UBAC1: variants seen among roughly 807,000 people sequenced by gnomAD.
UBAC1 encodes the protein ubiquitin-associated domain-containing protein 1.
Under a neutral mutation model 45.9 loss-of-function variants are expected in UBAC1, and 27 were observed. The ratio of observed to expected loss-of-function variants is 0.59; its 90% CI spans 0.43 to 0.81. The LOEUF is 0.81. Among genes scored for constraint, UBAC1 ranks in the 30% least tolerant of loss-of-function variants. The pLI is 0.00. For missense variants in UBAC1, 529 were observed against 539.2 expected (o/e 0.98, Z 0.19); for synonymous variants, 227 against 215.5 (o/e 1.05, Z -0.47).
At chr9:135,934,476 C>T (rs949869417) in intron 9 of UBAC1, among the ~76,000 whole-genome samples, 4 of 152,094 alleles carry the variant, frequency 2.6e-5, no homozygotes, top group South Asian at 2.1e-4. Flanking sequence ...CTGGCTAATA[C>T]GGTAAAACCC....
At chr9:135,948,339 A>G (rs1437397315) in intron 3 of UBAC1, among the ~76,000 whole-genome samples, 2 of 152,270 alleles carry the variant, frequency 1.3e-5, no homozygotes, top group East Asian at 3.8e-4. Context: ...AAGTGATGGG[A>G]GAGGAACAGA....
At chr9:135,947,566 G>A (rs755897670) in intron 4 of UBAC1, 90 of 457,338 alleles carry the variant, frequency 2.0e-4, no homozygotes, top group Middle Eastern at 1.7e-3. Flanking sequence ...TTTTCCCAGG[G>A]GTATCTATCT....
chr9:135,956,929 G>C (rs932901451), intron 1 of UBAC1, among the ~76,000 whole-genome samples: 1 of 152,198 alleles, frequency 6.6e-6, no homozygotes, highest in African/African-American at 2.4e-5. Context: ...GGCCCAGCCT[G>C]GAGCTGGGCC....
At chr9:135,954,244 A>C (rs1341485127) in intron 2 of UBAC1, among the ~76,000 whole-genome samples, 1 of 152,052 alleles carries the variant, frequency 6.6e-6, no homozygotes, top group Non-Finnish European at 1.5e-5. Context: ...CCAGGAGTTC[A>C]AGACCAGCCT....
At position 135,946,309 on chromosome 9, in the gene UBAC1, C is replaced by T. The variant is rs775731673; in HGVS notation, c.504G>A (p.Ala168=). The T allele has an allele frequency of 6.8e-6, 11 of 1,613,834 alleles. No individual in the cohort carries two copies. In the African/African-American group the frequency reaches 9.3e-5, roughly 14 times the overall value. The stretch of plus-strand genomic sequence containing the variant: ...ACAATTCCACTGCATCTGGGTTCAG[C>T]GCTAACAGCTTCTGCGCCACCTCGA... ...SLIEVAQKLL[A]LNPDAVELFK... is the part of the protein sequence containing the mutation. Residue 168 remains alanine, a synonymous_variant, in exon 5 of 10, where the codon GCG becomes GCA. Coordinates refer to ENST00000371756, the MANE Select transcript of UBAC1 (RefSeq NM_016172.3).
intron 8 of UBAC1, among the ~76,000 whole-genome samples, chr9:135,938,759 C>G (rs1313852268): frequency 6.6e-6 from 1 of 151,910 alleles, no homozygotes; most frequent in Admixed American, 6.6e-5. Flanking sequence ...GACACAGGCT[C>G]CTCATCTCTG....
At chr9:135,952,537 C>A (rs141495107) in intron 3 of UBAC1, among the ~76,000 whole-genome samples, 92 of 152,352 alleles carry the variant, frequency 6.0e-4, no homozygotes, top group African/African-American at 2.2e-3. Context: ...CAGTAAACAA[C>A]ACACTGCACG....
At chr9:135,942,061 G>A (rs1839276057) in intron 7 of UBAC1, 1 of 152,216 alleles carries the variant, frequency 6.6e-6, no homozygotes. Context: ...GAATGGCAAT[G>A]GGGAAGATCT....
In UBAC1 at chr9:135,938,213, C is replaced by T. The variant is rs781545794; in HGVS notation, c.1102+9G>A. On this transcript the variant is annotated intron_variant, in intron 9 of 9. Coordinates refer to ENST00000371756, the MANE Select transcript of UBAC1 (RefSeq NM_016172.3). The stretch of plus-strand genomic sequence containing the variant: ...GACCCGAGACTTAGCATAAAGAAGG[C>T]GCACATACCTAGCAATGTTTTCGGG... The T allele has an allele frequency of 5.0e-6, 8 of 1,613,298 alleles. No homozygotes were observed. Among genetic ancestry groups the T allele is most frequent in the Non-Finnish European group, 5.1e-6 (6 of 1,179,658 alleles).
At chr9:135,948,842 G>T (rs1341340410) in intron 3 of UBAC1, among the ~76,000 whole-genome samples, 1 of 152,196 alleles carries the variant, frequency 6.6e-6, no homozygotes, top group East Asian at 1.9e-4. Context: ...GGCCAAGGTG[G>T]GTGAATTACT....
chr9:135,961,209 G>A lies in UBAC1; in HGVS notation c.-47C>T. ...TGCGCCCGCCACCCGGGCCCCTGAA[G>A]GTCACCGGGAAGGCGGGCGGGGAGG... On this transcript the variant is annotated 5_prime_UTR_variant, in exon 1 of 10. Coordinates refer to ENST00000371756, the MANE Select transcript of UBAC1 (RefSeq NM_016172.3). The A allele has an allele frequency of 6.9e-6, 10 of 1,456,544 alleles. No homozygotes were observed. Among genetic ancestry groups the A allele is most frequent in the Non-Finnish European group, 9.0e-6 (10 of 1,112,718 alleles). 90.2% of individuals were successfully genotyped at this position (1,456,544 alleles called of 1,614,324 possible). A position where few individuals can be genotyped will look rare whatever the true frequency, so the allele number is the denominator to read the frequency against.
At chr9:135,956,886 C>A (rs543161224) in intron 1 of UBAC1, among the ~76,000 whole-genome samples, 12 of 152,314 alleles carry the variant, frequency 7.9e-5, no homozygotes, top group African/African-American at 2.9e-4. Flanking sequence ...TTTCTAAACC[C>A]GGTAGCAGGC....
chr9:135,940,752 G>A (rs1225498673), intron 7 of UBAC1, among the ~76,000 whole-genome samples: 4 of 152,112 alleles, frequency 2.6e-5, no homozygotes, highest in Non-Finnish European at 5.9e-5. Context: ...ATACCACAAT[G>A]TTTAAAGGGG....
At chr9:135,938,507 T>A in intron 8 of UBAC1, 147 bp from the exon 9 acceptor site, 1 of 1,061,666 alleles carries the variant, frequency 9.4e-7, no homozygotes, top group South Asian at 1.7e-5. Flanking sequence ...GACTCTACCG[T>A]GAAGACAAAC....
chr9:135,939,828 A>G (rs1475105826), intron 7 of UBAC1, 69 bp from the exon 8 acceptor site: 1 of 1,403,510 alleles, frequency 7.1e-7, no homozygotes, highest in Non-Finnish European at 1.0e-6. Context: ...ACCTGCGTGC[A>G]GAGGGGCCCG....
intron 9 of UBAC1, among the ~76,000 whole-genome samples, chr9:135,937,204 G>A (rs1335579250): frequency 6.6e-6 from 1 of 152,106 alleles, no homozygotes; most frequent in Non-Finnish European, 1.5e-5. Context: ...AGCACTTAGG[G>A]AGGCTGAGGC....
chr9:135,953,277 T>C (rs1001983690), intron 3 of UBAC1, among the ~76,000 whole-genome samples: 2 of 152,148 alleles, frequency 1.3e-5, no homozygotes, highest in Non-Finnish European at 2.9e-5. Context: ...GAACAACTAG[T>C]ATAGAGAACT....
chr9:135,955,813 G>A (rs1025748944), intron 1 of UBAC1, among the ~76,000 whole-genome samples: 4 of 152,252 alleles, frequency 2.6e-5, no homozygotes, highest in African/African-American at 2.4e-5. Flanking sequence ...TTCCACAGAC[G>A]CATGAAAGGG....
intron 3 of UBAC1, among the ~76,000 whole-genome samples, chr9:135,949,764 C>T (rs1158777401): frequency 6.6e-6 from 1 of 152,238 alleles, no homozygotes; most frequent in Non-Finnish European, 1.5e-5. Flanking sequence ...GTTGCCCGTG[C>T]GTGGCTGCAC....
Sources: allele counts gnomAD v4.1 joint callset (sites outside exome capture counted in the v4.1 genomes callset), GRCh38; gene constraint gnomAD v4.1.1; transcripts MANE v1.5; gene names NCBI Gene and HGNC (gene_info 2026-07-23, HGNC 2026-07-21).